PTPRG: variants seen among roughly 807,000 people sequenced by gnomAD.
PTPRG encodes receptor-type tyrosine-protein phosphatase gamma.
In PTPRG, 102 loss-of-function variants were observed where a neutral mutation model predicts 165.3. The observed-to-expected ratio is 0.62, with a 90% CI of 0.53 to 0.73. The LOEUF (loss-of-function observed/expected upper bound fraction) is 0.73, where lower values mean the gene tolerates loss of function less well. Among genes scored for constraint, PTPRG ranks in the 30% least tolerant of loss-of-function variants. PTPRG has a pLI of 0.00. For missense variants in PTPRG, 1,866 were observed against 1,861.4 expected, an observed-to-expected ratio of 1.00 and a Z score of -0.05; for synonymous variants, 675 against 669.5, an observed-to-expected ratio of 1.01 and a Z score of -0.13.
At chr3:61,940,686 C>T (rs1306656355) in intron 2 of PTPRG, among the ~76,000 whole-genome samples, 1 of 145,238 alleles carries the variant, frequency 6.9e-6, no homozygotes, top group Non-Finnish European at 1.5e-5. Flanking sequence ...ATTTTTTTGA[C>T]AGAGTCTCGC....
chr3:61,678,754 A>T (rs533919605), intron 1 of PTPRG, among the ~76,000 whole-genome samples: 1 of 152,324 alleles, frequency 6.6e-6, no homozygotes, highest in East Asian at 1.9e-4. Context: ...TATTATACAA[A>T]TAACCCCAAA....
intron 4 of PTPRG, among the ~76,000 whole-genome samples, chr3:62,074,348 C>CTTTA (rs146122295): frequency 8.8e-6 from 1 of 114,272 alleles, no homozygotes; most frequent in Non-Finnish European, 1.8e-5. Context: ...CTTTTCTTTT[C>CTTTA]TTTCTTTTTT....
intron 1 of PTPRG, among the ~76,000 whole-genome samples, chr3:61,627,541 C>G (rs971919485): frequency 7.2e-5 from 11 of 152,102 alleles, no homozygotes; most frequent in Non-Finnish European, 1.2e-4. Context: ...CTTTTTACCT[C>G]AAAGTAATCT....
At chr3:62,095,093 C>T (rs770179419) in intron 5 of PTPRG, among the ~76,000 whole-genome samples, 1 of 152,300 alleles carries the variant, frequency 6.6e-6, no homozygotes, top group South Asian at 2.1e-4. Flanking sequence ...CCTGGATACC[C>T]AGCAAAGTAC....
chr3:62,203,483 G>A lies in PTPRG; in HGVS notation c.1688G>A (p.Gly563Glu). Residue 563 changes from glycine (G) to glutamate (E), a missense_variant, in exon 12 of 30, where the codon GGG becomes GAG. This residue lies in a region of PTPRG where 1,452 missense variants were observed against 1,463.0 expected (regional missense o/e 0.99). Transcript: ENST00000474889. The surrounding 1 kb of genome is among the most constrained non-coding windows in gnomAD (Gnocchi z 6.4). ...ACCACAGAGGCCTTGGCTTCTCCAG[G>A]GCCCGATGGTGATTCGTCACCAACC... is the stretch of plus-strand genomic sequence containing the variant. ...LATTEALASPGPDGDSSPTKD... is the reference protein window; with the variant it reads ...LATTEALASPEPDGDSSPTKD... The A allele has an allele frequency of 6.4e-7, 1 of 1,572,630 alleles. No individual in the cohort carries two copies. Among genetic ancestry groups the A allele is most frequent in the South Asian group, 1.2e-5 (1 of 86,822 alleles).
At chr3:62,013,919 G>A (rs1043062592) in intron 4 of PTPRG, among the ~76,000 whole-genome samples, 1 of 152,048 alleles carries the variant, frequency 6.6e-6, no homozygotes, top group Non-Finnish European at 1.5e-5. Flanking sequence ...GCTGGCTGGG[G>A]AGACCTTTGT....
chr3:61,738,324 A>ATATATATGTATATATATATGTG (rs2032836310), intron 1 of PTPRG, among the ~76,000 whole-genome samples: 10 of 93,650 alleles, frequency 1.1e-4, no homozygotes, highest in Admixed American at 3.6e-4. Flanking sequence ...ATATATATAT[A>ATATATATGTATATATATATGTG]TATATATATA....
At chr3:61,897,172 C>T (rs543565912) in intron 2 of PTPRG, among the ~76,000 whole-genome samples, 3 of 152,042 alleles carry the variant, frequency 2.0e-5, no homozygotes, top group Admixed American at 6.6e-5. Context: ...TAGGGCTTAG[C>T]CCTACGTTAC....
At chr3:61,625,913 A>G (rs1559529642) in intron 1 of PTPRG, among the ~76,000 whole-genome samples, 1 of 151,970 alleles carries the variant, frequency 6.6e-6, no homozygotes, top group East Asian at 1.9e-4. Context: ...TTCCTTTTCT[A>G]TGCAAATATT....
chr3:62,102,062 C>T (rs1338104341), intron 5 of PTPRG, among the ~76,000 whole-genome samples: 2 of 152,122 alleles, frequency 1.3e-5, no homozygotes, highest in Non-Finnish European at 2.9e-5. Flanking sequence ...GTATCTTCCC[C>T]TATTGTTACC....
At chr3:61,699,992 C>T (rs559815721) in intron 1 of PTPRG, among the ~76,000 whole-genome samples, 1 of 152,226 alleles carries the variant, frequency 6.6e-6, no homozygotes, top group African/African-American at 2.4e-5. Flanking sequence ...TTTGAGGGCC[C>T]TTCAAGTTTA....
chr3:61,836,722 T>C (rs1337202217), intron 2 of PTPRG, among the ~76,000 whole-genome samples: 1 of 136,242 alleles, frequency 7.3e-6, no homozygotes, highest in Non-Finnish European at 1.5e-5. Flanking sequence ...ACCAGTTTTT[T>C]TGTTGTTGTT....
At chr3:61,742,814 G>A in intron 1 of PTPRG, 4 of 1,605,342 alleles carry the variant, frequency 2.5e-6, no homozygotes, top group Non-Finnish European at 3.4e-6. Flanking sequence ...TTCTTGACCA[G>A]TTTTTTATTC....
At chr3:61,694,423 TAAAA>T in intron 1 of PTPRG, among the ~76,000 whole-genome samples, 1 of 152,172 alleles carries the variant, frequency 6.6e-6, no homozygotes, top group African/African-American at 2.4e-5. Context: ...TGGGTATGAA[TAAAA>T]GTACTCTATT....
intron 2 of PTPRG, among the ~76,000 whole-genome samples, chr3:61,934,169 C>T (rs930613782): frequency 7.9e-4 from 121 of 152,296 alleles, no homozygotes; most frequent in Middle Eastern, 6.8e-3. Context: ...AAGCGTAGCT[C>T]TCATCACATT....
chr3:61,897,767 T>C (rs1333255281), intron 2 of PTPRG, among the ~76,000 whole-genome samples: 1 of 152,210 alleles, frequency 6.6e-6, no homozygotes, highest in African/African-American at 2.4e-5. Context: ...TTGTAATTTT[T>C]AGCATACAGA....
At chr3:61,763,143 C>G (rs928356138) in intron 2 of PTPRG, among the ~76,000 whole-genome samples, 4 of 152,136 alleles carry the variant, frequency 2.6e-5, no homozygotes, top group South Asian at 4.1e-4. Context: ...GGGATTAGCA[C>G]TGCTGCCTTA....
At chr3:61,971,798 T>G (rs2107660287) in intron 2 of PTPRG, among the ~76,000 whole-genome samples, 1 of 152,368 alleles carries the variant, frequency 6.6e-6, no homozygotes, top group Non-Finnish European at 1.5e-5. Flanking sequence ...TGGTTGACAT[T>G]AAGCATATAT....
At chr3:61,648,656 A>G (rs932984550) in intron 1 of PTPRG, among the ~76,000 whole-genome samples, 2 of 152,214 alleles carry the variant, frequency 1.3e-5, no homozygotes, top group Non-Finnish European at 2.9e-5. Flanking sequence ...CTGCTGCAGA[A>G]CACACACTCA....
Sources: gnomAD v4.1 joint callset for allele counts (sites outside exome capture counted in the v4.1 genomes callset) on GRCh38, gnomAD v4.1.1 for gene constraint, gnomAD v4.1.1 regional missense constraint, Gnocchi (gnomAD v3.1) non-coding constraint, MANE v1.5 for transcripts, NCBI Gene and HGNC (gene_info 2026-07-23, HGNC 2026-07-21) for gene names.